The following THSD4 variants were observed in gnomAD, a reference collection of about 807,000 sequenced individuals.
THSD4 encodes the protein thrombospondin type 1 domain containing 4.
THSD4 carries 69 observed loss-of-function variants against 119.0 expected under a neutral mutation model. The observed-to-expected ratio is 0.58, with a 90% CI of 0.48 to 0.71. The LOEUF (loss-of-function observed/expected upper bound fraction) is 0.71, where lower values mean the gene tolerates loss of function less well. THSD4 is among the 30% of genes least tolerant of loss of function. The probability of loss-of-function intolerance (pLI) is 0.00; values close to 1 mark genes in which losing one functional copy is unlikely to be tolerated. For missense variants in THSD4, 1,393 were observed against 1,391.1 expected, an observed-to-expected ratio of 1.00 and a Z score of -0.02; for synonymous variants, 524 against 540.4, an observed-to-expected ratio of 0.97 and a Z score of 0.42.
chr15:71,273,586 A>G (rs2044558001), intron 6 of THSD4, among the ~76,000 whole-genome samples: 1 of 152,204 alleles, frequency 6.6e-6, no homozygotes, highest in Non-Finnish European at 1.5e-5. Flanking sequence ...GGGATACGTT[A>G]ATTAACCATA....
intron 7 of THSD4, among the ~76,000 whole-genome samples, chr15:71,658,281 C>T (rs558543823): frequency 1.3e-5 from 2 of 152,360 alleles, no homozygotes; most frequent in South Asian, 4.1e-4. Context: ...TTATCCCTCC[C>T]AGCAGGCTTG....
intron 6 of THSD4, among the ~76,000 whole-genome samples, chr15:71,337,619 A>C (rs2045505362): frequency 6.6e-6 from 1 of 152,166 alleles, no homozygotes. Context: ...GCAGGTCATT[A>C]ATTATGCAAA....
intron 7 of THSD4, among the ~76,000 whole-genome samples, chr15:71,602,259 G>GA (rs2050024719): frequency 6.6e-6 from 1 of 152,136 alleles, no homozygotes; most frequent in African/African-American, 2.4e-5. Flanking sequence ...TAGACATTTT[G>GA]AAAAATGGTC....
chr15:71,508,892 T>A lies in THSD4; in HGVS notation c.1152+97069T>A, dbSNP rs13380381. Among the ~76,000 whole-genome samples, 698 of 152,006 alleles carry A rather than the reference T, an allele frequency of 4.6e-3. 6 individuals are homozygous for A. The highest frequency in any genetic ancestry group is 0.015 in the African/African-American group (635 of 41,446). ...AAAAATGCCTTCCAGGTCAAACATTTTAGAATTCTTTGAGCGTGATGCAAA... is the reference window on the plus strand; with the variant it reads ...AAAAATGCCTTCCAGGTCAAACATTATAGAATTCTTTGAGCGTGATGCAAA... On this transcript the variant is annotated intron_variant, in intron 7 of 17. Transcript: ENST00000261862.
intron 7 of THSD4, among the ~76,000 whole-genome samples, chr15:71,488,206 G>A (rs183218113): frequency 2.0e-5 from 3 of 152,292 alleles, no homozygotes; most frequent in Admixed American, 2.0e-4. Context: ...AAGAATAGAT[G>A]TTGAATTATG....
chr15:71,583,231 T>A (rs1264207186), intron 7 of THSD4, among the ~76,000 whole-genome samples: 3 of 152,166 alleles, frequency 2.0e-5, no homozygotes, highest in African/African-American at 7.2e-5. Flanking sequence ...TCTCTTAGGA[T>A]CCTTTTTGTT....
At chr15:71,343,303 G>A (rs944204380) in intron 6 of THSD4, among the ~76,000 whole-genome samples, 1 of 152,208 alleles carries the variant, frequency 6.6e-6, no homozygotes, top group African/African-American at 2.4e-5. Context: ...AGATTAGATA[G>A]ACCCTGTCTC....
At chr15:71,328,595 C>G (rs2045378290) in intron 6 of THSD4, among the ~76,000 whole-genome samples, 1 of 152,196 alleles carries the variant, frequency 6.6e-6, no homozygotes, top group Non-Finnish European at 1.5e-5. Flanking sequence ...AGCCAGCATT[C>G]TAGCGAGAGA....
chr15:71,665,420 G>A (rs1419351794), intron 8 of THSD4, among the ~76,000 whole-genome samples: 6 of 152,022 alleles, frequency 3.9e-5, no homozygotes, highest in African/African-American at 7.2e-5. Context: ...TGTATAGTTT[G>A]CAAATATTTT....
At position 71,771,093 on chromosome 15, in the gene THSD4, G is replaced by A. The variant is rs1165966130; in HGVS notation, c.2799G>A (p.Arg933=). The change falls in exon 17 of 18, where the codon CGG becomes CGA. Residue 933 remains arginine, a synonymous_variant. Coordinates refer to ENST00000261862, the MANE Select transcript of THSD4 (RefSeq NM_024817.3). ...CCAAGAGCTGCCAGGGTGGCTTTCG[G>A]GTCCGGGAAGTGCGGTGTCTGTCTG... ...MCSKSCQGGF[R]VREVRCLSDD... is the part of the protein sequence containing the mutation. The A allele has an allele frequency of 6.2e-7, 1 of 1,614,174 alleles. No homozygotes were observed. Among genetic ancestry groups the A allele is most frequent in the Non-Finnish European group, 8.5e-7 (1 of 1,180,034 alleles).
intron 8 of THSD4, among the ~76,000 whole-genome samples, chr15:71,717,986 A>C (rs1372002079): frequency 2.0e-5 from 3 of 151,994 alleles, no homozygotes; most frequent in Non-Finnish European, 4.4e-5. Context: ...CTTTCTCTAC[A>C]AAAAAATTAA....
exon 1 of THSD4, chr15:71,096,967 A>G (rs370443420): frequency 8.5e-5 from 13 of 152,246 alleles, no homozygotes; most frequent in African/African-American, 2.7e-4. Context: ...ACCAACGTGA[A>G]TTGAATCACA....
At chr15:71,678,741 A>G (rs1176676454) in intron 8 of THSD4, among the ~76,000 whole-genome samples, 1 of 152,168 alleles carries the variant, frequency 6.6e-6, no homozygotes, top group Non-Finnish European at 1.5e-5. Flanking sequence ...TCTGTCCCCA[A>G]GCCAGACACT....
upstream of THSD4, chr15:71,112,382 TAGAC>T (rs1265959479): frequency 2.9e-6 from 2 of 685,666 alleles, no homozygotes; most frequent in Admixed American, 3.7e-5. Context: ...CTGTCTTACA[TAGAC>T]AGAACTGACA....
intron 7 of THSD4, among the ~76,000 whole-genome samples, chr15:71,496,187 G>A (rs2048015161): frequency 6.6e-6 from 1 of 152,164 alleles, no homozygotes; most frequent in African/African-American, 2.4e-5. Context: ...ATATGTAATT[G>A]TACCTGTCAC....
In THSD4 at chr15:71,542,746, G is replaced by A. The variant is rs113646145; in HGVS notation, c.1153-117784G>A. Among the ~76,000 whole-genome samples, 596 of 151,948 alleles carry A rather than the reference G, an allele frequency of 3.9e-3. 6 individuals carry two copies. The highest frequency in any genetic ancestry group is 0.014 in the African/African-American group (560 of 41,436). On this transcript the variant is annotated intron_variant, in intron 7 of 17. Coordinates refer to ENST00000261862, the MANE Select transcript of THSD4 (RefSeq NM_024817.3). ...CAAAAGATTAGCTGGGTATGGTGGC[G>A]GGCACTTGTAGTCCCAGCTACTCGG... is the stretch of plus-strand genomic sequence containing the variant.
intron 11 of THSD4, 71 bp from the exon 12 acceptor site, chr15:71,745,035 G>A (rs1431127089): frequency 1.3e-6 from 2 of 1,546,886 alleles, no homozygotes; most frequent in Non-Finnish European, 1.7e-6. Context: ...CCGAATCTCT[G>A]TGCATCTCCA....
intron 6 of THSD4, among the ~76,000 whole-genome samples, chr15:71,269,986 G>A (rs181190959): frequency 8.5e-5 from 13 of 152,234 alleles, no homozygotes; most frequent in African/African-American, 3.1e-4. Context: ...CCATGCTCGT[G>A]GATAGGAAAC....
intron 7 of THSD4, among the ~76,000 whole-genome samples, chr15:71,495,522 C>T (rs1445887118): frequency 6.6e-6 from 1 of 152,114 alleles, no homozygotes; most frequent in Non-Finnish European, 1.5e-5. Context: ...TTGTTAGAAA[C>T]ATGACACGGG....
Sources: gnomAD v4.1 joint callset for allele counts (sites outside exome capture counted in the v4.1 genomes callset) on GRCh38, gnomAD v4.1.1 for gene constraint, MANE v1.5 for transcripts, NCBI Gene and HGNC (gene_info 2026-07-23, HGNC 2026-07-21) for gene names.